The following TP53BP2 variants were observed in gnomAD, a reference collection of about 807,000 sequenced individuals.
The protein encoded by TP53BP2 is tumor protein p53 binding protein 2.
In TP53BP2, 62 loss-of-function variants were observed where a neutral mutation model predicts 126.2. The observed-to-expected ratio is 0.49, with a 90% CI of 0.40 to 0.61. The LOEUF is 0.61. TP53BP2 is among the 20% of genes least tolerant of loss of function. The pLI is 0.00. For synonymous variants in TP53BP2, 485 were observed against 502.9 expected (o/e 0.96, Z 0.48); for missense variants, 1,215 against 1,402.8 (o/e 0.87, Z 2.14).
intron 10 of TP53BP2, 151 bp downstream of exon 10, chr1:223,800,549 A>G: frequency 1.8e-6 from 1 of 563,108 alleles, no homozygotes; most frequent in Non-Finnish European, 3.0e-6. Context: ...GCACCACTGC[A>G]CTCCAGCCTG....
chr1:223,810,470 A>C lies in TP53BP2; in HGVS notation c.333T>G (p.Gly111=). 6.2e-7 allele frequency: 1 copy of C among 1,609,956 alleles called. No homozygotes were observed. Among genetic ancestry groups the C allele is most frequent in the South Asian group, 1.1e-5 (1 of 90,068 alleles). ...RSQDPSLKRN[G]VKVPGEYRRK... ...TTCGATATTCACCAGGAACTTTTAC[A>C]CCATTTCTTTTTAAACTTGGATCCT... Residue 111 remains glycine, a synonymous_variant, in exon 4 of 18, where the codon GGT becomes GGG. Coordinates refer to ENST00000343537, the MANE Select transcript of TP53BP2 (RefSeq NM_001031685.3).
chr1:223,789,332 T>C (rs1177421789), intron 15 of TP53BP2, among the ~76,000 whole-genome samples, 158 bp from the exon 16 acceptor site: 1 of 152,194 alleles, frequency 6.6e-6, no homozygotes, highest in African/African-American at 2.4e-5. Context: ...ACACAGATGA[T>C]TGAACCCATC....
rs1264504622 is a variant in TP53BP2, at chr1:223,796,375, C to T, written c.2164G>A (p.Ala722Thr). The change falls in exon 13 of 18, where the codon GCT becomes ACT. Residue 722 changes from alanine to threonine, a missense_variant. Coordinates refer to ENST00000343537, the MANE Select transcript of TP53BP2 (RefSeq NM_001031685.3). The surrounding 1 kb of genome is among the most constrained non-coding windows in gnomAD (Gnocchi z 4.2). ...LSNPYRNQSD[A>T]DLEALRKKLS... ...TTCTTTCGTAAGGCTTCTAGGTCAGCATCACTCTGGTTTCGGTAAGGATTA... is the reference window on the plus strand; with the variant it reads ...TTCTTTCGTAAGGCTTCTAGGTCAGTATCACTCTGGTTTCGGTAAGGATTA... 13 of 1,614,162 alleles carry T rather than the reference C, an allele frequency of 8.1e-6. No individual in the cohort carries two copies. Among genetic ancestry groups the T allele is most frequent in the Non-Finnish European group, 1.1e-5 (13 of 1,180,026 alleles).
chr1:223,796,559 C>G lies in TP53BP2; in HGVS notation c.1980G>C (p.Gln660His). 3 of 1,611,970 alleles carry G rather than the reference C, an allele frequency of 1.9e-6. No homozygotes were observed. The highest frequency in any genetic ancestry group is 1.7e-6 in the Non-Finnish European group (2 of 1,179,106). Reference sequence around the variant, plus strand: ...TGTTCTCTGGGTGCTGCTGTTGATTCTGGGCAGCAGCAATTACAGGCTTAC... The same window carrying G: ...TGTTCTCTGGGTGCTGCTGTTGATTGTGGGCAGCAGCAATTACAGGCTTAC... Reference protein sequence around the residue: ...VYGKPVIAAAQNQQQHPENIY... With the variant: ...VYGKPVIAAAHNQQQHPENIY... Residue 660 changes from glutamine to histidine, a missense_variant, in exon 13 of 18, where the codon CAG becomes CAC. Physicochemically the swap from Gln to His is conservative, Grantham distance 24. Coordinates refer to ENST00000343537, the MANE Select transcript of TP53BP2 (RefSeq NM_001031685.3). The surrounding 1 kb of genome is among the most constrained non-coding windows in gnomAD (Gnocchi z 4.2).
rs770623754 is a variant in TP53BP2, at chr1:223,798,475, G to A, written c.1688C>T (p.Pro563Leu). 8.7e-6 allele frequency: 14 copies of A among 1,614,008 alleles called. No individual in the cohort carries two copies. The highest frequency in any genetic ancestry group is 3.3e-5 in the Admixed American group (2 of 59,992). Reference sequence around the variant, plus strand: ...GTCTTGGCCAACCGAAGGTATGCTGGGAGATAGCAGCACTCTCGGCTGCTG... The same window carrying A: ...GTCTTGGCCAACCGAAGGTATGCTGAGAGATAGCAGCACTCTCGGCTGCTG... ...AGQQPRVLLS[P>L]SIPSVGQDQT... Residue 563 changes from proline to leucine, a missense_variant, in exon 12 of 18, where the codon CCC (proline) becomes CTC (leucine). Physicochemically the swap from Pro to Leu is moderately conservative, Grantham distance 98. Around this residue, in one of 4 missense-constraint regions of TP53BP2, gnomAD observed 814 missense variants for 853.0 expected, o/e 0.95. Transcript: ENST00000343537.
intron 3 of TP53BP2, among the ~76,000 whole-genome samples, chr1:223,812,978 A>C (rs1482589398): frequency 6.6e-6 from 1 of 152,120 alleles, no homozygotes; most frequent in Non-Finnish European, 1.5e-5. Flanking sequence ...GATTACAGGC[A>C]TGAGCCACCG....
chr1:223,802,405 A>G, intron 8 of TP53BP2, 61 bp from the exon 9 acceptor site: 1 of 1,470,494 alleles, frequency 6.8e-7, no homozygotes, highest in Non-Finnish European at 9.3e-7. Context: ...CAGACTTAGA[A>G]ACTAAGATGT....
intron 1 of TP53BP2, among the ~76,000 whole-genome samples, chr1:223,839,658 G>A (rs766140898): frequency 1.2e-4 from 19 of 152,216 alleles, no homozygotes; most frequent in Non-Finnish European, 2.2e-4. Flanking sequence ...GTGAAAGTTC[G>A]GCCAACTGCG....
At position 223,796,385 on chromosome 1, in the gene TP53BP2, G is replaced by A; in HGVS notation, c.2154C>T (p.Asn718=). The change falls in exon 13 of 18, where the codon AAC becomes AAT. Residue 718 remains asparagine, a synonymous_variant. Transcript: ENST00000343537. This position sits in a 1 kb window ranked among gnomAD's most constrained non-coding sequence, Gnocchi z 4.2. ...LLPFLSNPYR[N]QSDADLEALR... is the part of the protein sequence containing the mutation. ...AGGCTTCTAGGTCAGCATCACTCTG[G>A]TTTCGGTAAGGATTAGATAAGAAAG... 1 of 1,614,180 alleles carries A rather than the reference G, an allele frequency of 6.2e-7. No individual in the cohort carries two copies. Among genetic ancestry groups the A allele is most frequent in the Non-Finnish European group, 8.5e-7 (1 of 1,180,028 alleles).
At position 223,780,672 on chromosome 1, in the gene TP53BP2, C is replaced by T. The variant is rs191723210; in HGVS notation, c.*181G>A. On this transcript the variant is annotated 3_prime_UTR_variant, in exon 18 of 18. Coordinates refer to ENST00000343537, the MANE Select transcript of TP53BP2 (RefSeq NM_001031685.3). ...CTGACGTAGATGCTTTATTTCATCA[C>T]GCTAAATGTCCTCTAATGGTGAATT... is the stretch of plus-strand genomic sequence containing the variant. 2.5e-5 allele frequency: 16 copies of T among 641,610 alleles called. No homozygotes were observed. Among genetic ancestry groups the T allele is most frequent in the Middle Eastern group, 4.3e-4 (1 of 2,326 alleles). 39.7% of individuals were successfully genotyped at this position (641,610 alleles called of 1,614,324 possible).
intron 9 of TP53BP2, chr1:223,801,895 C>T: frequency 1.4e-5 from 5 of 358,986 alleles, no homozygotes; most frequent in East Asian, 4.8e-5. Context: ...ATTTCATTTC[C>T]TGAATAGAAT....
chr1:223,795,714 T>C lies in TP53BP2; in HGVS notation c.2724+101A>G, dbSNP rs879851970. 488 of 1,163,526 alleles carry C rather than the reference T, an allele frequency of 4.2e-4. 1 individual carries two copies. The highest frequency in any genetic ancestry group is 5.3e-4 in the Non-Finnish European group (460 of 864,148). The allele number at this position is 1,163,526 out of a possible 1,614,324, so 72.1% of individuals were successfully genotyped here. A position where few individuals can be genotyped will look rare whatever the true frequency, so the allele number is the denominator to read the frequency against. On this transcript the variant is annotated intron_variant, in intron 13 of 17. Coordinates refer to ENST00000343537, the MANE Select transcript of TP53BP2 (RefSeq NM_001031685.3). The stretch of plus-strand genomic sequence containing the variant: ...GATCCACTCTGTGCCAAGGGAATCG[T>C]AAAATAAAAATGCAAACTGGAGAAG...
chr1:223,791,229 C>G (rs1662144048), intron 15 of TP53BP2, among the ~76,000 whole-genome samples: 1 of 151,684 alleles, frequency 6.6e-6, no homozygotes, highest in Non-Finnish European at 1.5e-5. Flanking sequence ...GAGTTCGAGA[C>G]CAACCTGGGC....
intron 1 of TP53BP2, among the ~76,000 whole-genome samples, chr1:223,824,139 G>C (rs941920790): frequency 6.6e-6 from 1 of 152,126 alleles, no homozygotes; most frequent in Non-Finnish European, 1.5e-5. Context: ...CTGTTTTTCT[G>C]ATCTATCCTC....
intron 4 of TP53BP2, among the ~76,000 whole-genome samples, chr1:223,809,962 G>T (rs953410152): frequency 3.9e-5 from 6 of 152,104 alleles, no homozygotes; most frequent in African/African-American, 1.4e-4. Context: ...GAGTAGCTGG[G>T]ATTACAGACA....
intron 4 of TP53BP2, among the ~76,000 whole-genome samples, chr1:223,809,734 C>G (rs986535922): frequency 6.6e-6 from 1 of 152,088 alleles, no homozygotes; most frequent in African/African-American, 2.4e-5. Flanking sequence ...CCTAATGGCA[C>G]TAAAAATAGT....
chr1:223,815,265 C>G (rs984685380), intron 2 of TP53BP2, among the ~76,000 whole-genome samples: 2 of 152,194 alleles, frequency 1.3e-5, no homozygotes, highest in Non-Finnish European at 2.9e-5. Flanking sequence ...ATTTGGTGAA[C>G]CAACCCTGAA....
At chr1:223,809,115 C>G (rs1662824308) in intron 4 of TP53BP2, among the ~76,000 whole-genome samples, 1 of 151,950 alleles carries the variant, frequency 6.6e-6, no homozygotes, top group African/African-American at 2.4e-5. Context: ...ACTTTGTTGC[C>G]CAGGCTAGCC....
chr1:223,798,709 T>C (rs1206295042), intron 11 of TP53BP2, 32 bp from the exon 12 acceptor site: 2 of 1,504,646 alleles, frequency 1.3e-6, no homozygotes, highest in Non-Finnish European at 1.8e-6. Context: ...CCAGTTAAAA[T>C]ACTATATAAC....
Sources: allele counts gnomAD v4.1 joint callset (sites outside exome capture counted in the v4.1 genomes callset), GRCh38; gene constraint gnomAD v4.1.1; regional missense constraint gnomAD v4.1.1; non-coding constraint Gnocchi (gnomAD v3.1); transcripts MANE v1.5; gene names NCBI Gene and HGNC (gene_info 2026-07-23, HGNC 2026-07-21).